Variants in KLHL4 observed in about 807,000 individuals in gnomAD.
KLHL4 encodes kelch-like protein 4.
Under a neutral mutation model 45.8 loss-of-function variants are expected in KLHL4, and 17 were observed. The observed-to-expected ratio is 0.37, with a 90% CI of 0.25 to 0.56. The LOEUF (loss-of-function observed/expected upper bound fraction) is 0.56. Ranked by LOEUF, KLHL4 falls within the 20% of genes least tolerant of loss-of-function variation. KLHL4 has a pLI of 0.79. For missense variants in KLHL4, 544 were observed against 544.9 expected, an observed-to-expected ratio of 1.00 and a Z score of 0.02; for synonymous variants, 224 against 189.9, an observed-to-expected ratio of 1.18 and a Z score of -1.47.
intron 6 of KLHL4, among the ~76,000 whole-genome samples, chrX:87,626,147 G>A (rs1922919135): frequency 9.0e-6 from 1 of 111,689 alleles, no homozygotes; most frequent in South Asian, 3.7e-4. Flanking sequence ...TTTTGCCAAG[G>A]TTAAGAATGC....
intron 1 of KLHL4, among the ~76,000 whole-genome samples, chrX:87,541,361 T>C (rs1478047258): frequency 9.3e-6 from 1 of 107,097 alleles, no homozygotes; most frequent in African/African-American, 3.4e-5. Context: ...GGTGCACACC[T>C]GTAGTCCCAG....
At chrX:87,615,649 A>T (rs1368859415) in intron 3 of KLHL4, among the ~76,000 whole-genome samples, 13 of 111,813 alleles carry the variant, frequency 1.2e-4, no homozygotes, top group African/African-American at 4.2e-4. Flanking sequence ...TAGGCAATAA[A>T]AAAGGAATGA....
At chrX:87,535,161 T>G (rs747920568) in intron 1 of KLHL4, among the ~76,000 whole-genome samples, 3 of 111,826 alleles carry the variant, frequency 2.7e-5, no homozygotes, top group Non-Finnish European at 5.6e-5. Context: ...TGAATTGACC[T>G]TATAATAATT....
chrX:87,622,091 T>C (rs1922769238), intron 4 of KLHL4, 120 bp from the exon 5 acceptor site: 1 of 481,346 alleles, frequency 2.1e-6, no homozygotes, highest in Non-Finnish European at 3.5e-6. Context: ...TTTTTATAAG[T>C]GAATACATCT....
intron 1 of KLHL4, among the ~76,000 whole-genome samples, chrX:87,609,976 A>G (rs1922320200): frequency 9.0e-6 from 1 of 111,725 alleles, no homozygotes; most frequent in Non-Finnish European, 1.9e-5. Context: ...TCCCACCACC[A>G]CCACTGGGGA....
chrX:87,610,078 T>G (rs1209903627), intron 1 of KLHL4, among the ~76,000 whole-genome samples: 6 of 111,795 alleles, frequency 5.4e-5, no homozygotes, highest in African/African-American at 2.0e-4. Flanking sequence ...CTCAGCTGAT[T>G]AATCTTATCA....
At chrX:87,648,370 T>TCACAAAAA (rs1923704336) in intron 9 of KLHL4, among the ~76,000 whole-genome samples, 1 of 111,082 alleles carries the variant, frequency 9.0e-6, no homozygotes, top group Non-Finnish European at 1.9e-5. Context: ...ATCAAAACCA[T>TCACAAAAA]TGAAGCAAAG....
intron 1 of KLHL4, among the ~76,000 whole-genome samples, chrX:87,551,591 A>AT (rs1169684966): frequency 9.3e-6 from 1 of 108,091 alleles, no homozygotes; most frequent in Non-Finnish European, 1.9e-5. Context: ...AGATAGGTAG[A>AT]TAGATAGATA....
At chrX:87,609,434 T>G (rs181391426) in intron 1 of KLHL4, among the ~76,000 whole-genome samples, 10 of 111,771 alleles carry the variant, frequency 8.9e-5, no homozygotes, top group African/African-American at 2.9e-4. Flanking sequence ...GTTCCCTGAC[T>G]TTTTAATGAT....
At chrX:87,607,260 A>G (rs1164369449) in intron 1 of KLHL4, among the ~76,000 whole-genome samples, 2 of 109,494 alleles carry the variant, frequency 1.8e-5, no homozygotes, top group East Asian at 2.9e-4. Context: ...CCCTAGCGCA[A>G]CTCTCAAATC....
At chrX:87,612,989 C>T (rs1403175530) in intron 1 of KLHL4, among the ~76,000 whole-genome samples, 2 of 111,170 alleles carry the variant, frequency 1.8e-5, no homozygotes, top group Non-Finnish European at 3.8e-5. Context: ...CCCTTCTTAT[C>T]AGTACAATAT....
At chrX:87,562,967 A>G (rs754570223) in intron 1 of KLHL4, among the ~76,000 whole-genome samples, 1 of 111,282 alleles carries the variant, frequency 9.0e-6, no homozygotes, top group African/African-American at 3.3e-5. Flanking sequence ...AGAACAAGTG[A>G]CTTTGCCTAG....
rs371663671 is a variant in KLHL4, at chrX:87,667,996, C to T, written c.*1462C>T. 1.3e-4 allele frequency: 92 copies of T among 723,787 alleles called. 1 individual carries two copies. In the African/African-American group the frequency reaches 1.9e-3, roughly 15 times the overall value. 59.6% of individuals were successfully genotyped at this position (723,787 alleles called of 1,213,427 possible). On this transcript the variant is annotated 3_prime_UTR_variant, in exon 11 of 11. Coordinates refer to ENST00000373119, the MANE Select transcript of KLHL4 (RefSeq NM_019117.5). ...AATGGACTTTTTGATTTTACATTTC[C>T]TATATCACTAAAATACTTAAACACA...
intron 9 of KLHL4, among the ~76,000 whole-genome samples, chrX:87,660,316 C>G (rs1924148220): frequency 9.0e-6 from 1 of 111,322 alleles, no homozygotes; most frequent in African/African-American, 3.3e-5. Context: ...GTAATGGTAC[C>G]TAGGCATTGA....
At chrX:87,556,886 A>G (rs999004575) in intron 1 of KLHL4, among the ~76,000 whole-genome samples, 11 of 110,962 alleles carry the variant, frequency 9.9e-5, no homozygotes, top group Admixed American at 8.7e-4. Flanking sequence ...GGGCACTAAT[A>G]GAAGCCAGGT....
At chrX:87,658,681 T>A in intron 9 of KLHL4, among the ~76,000 whole-genome samples, 1 of 111,766 alleles carries the variant, frequency 8.9e-6, no homozygotes, top group Middle Eastern at 4.6e-3. Flanking sequence ...GAGGTTTCTT[T>A]TGCTTTTATG....
At chrX:87,543,189 A>T (rs181070100) in intron 1 of KLHL4, among the ~76,000 whole-genome samples, 2 of 111,327 alleles carry the variant, frequency 1.8e-5, no homozygotes, top group Admixed American at 1.9e-4. Flanking sequence ...TTTGTTTATG[A>T]ATGACCAAGT....
intron 1 of KLHL4, among the ~76,000 whole-genome samples, chrX:87,604,565 G>T (rs1922130999): frequency 9.1e-6 from 1 of 110,052 alleles, no homozygotes; most frequent in Admixed American, 9.7e-5. Flanking sequence ...CCATTTATAT[G>T]TCCATTTTTG....
chrX:87,523,630 A>C (rs781568948), intron 1 of KLHL4, among the ~76,000 whole-genome samples: 1 of 111,818 alleles, frequency 8.9e-6, no homozygotes, highest in Non-Finnish European at 1.9e-5. Flanking sequence ...AATATAAAAT[A>C]AACACCCATG....
Sources: allele counts gnomAD v4.1 joint callset (sites outside exome capture counted in the v4.1 genomes callset), GRCh38; gene constraint gnomAD v4.1.1; transcripts MANE v1.5; gene names NCBI Gene and HGNC (gene_info 2026-07-23, HGNC 2026-07-21).